SBF2: variants seen among roughly 807,000 people sequenced by gnomAD.
SBF2 encodes myotubularin-related protein 13.
In SBF2, 112 loss-of-function variants were observed where a neutral mutation model predicts 225.2. That is an observed-to-expected ratio of 0.50 (90% confidence interval 0.43 to 0.58). The LOEUF (loss-of-function observed/expected upper bound fraction) is 0.58, where lower values mean the gene tolerates loss of function less well. SBF2 is among the 20% of genes least tolerant of loss of function. The pLI, the probability that SBF2 is intolerant of heterozygous loss-of-function variation, is 0.00. For missense variants in SBF2, 1,996 were observed against 2,206.2 expected (o/e 0.90, Z 1.91); for synonymous variants, 763 against 773.3 (o/e 0.99, Z 0.22).
chr11:10,204,906 A>G (rs1957699826), intron 1 of SBF2, among the ~76,000 whole-genome samples: 1 of 151,760 alleles, frequency 6.6e-6, no homozygotes, highest in Non-Finnish European at 1.5e-5. Flanking sequence ...AAACATTTTA[A>G]GTAAATAGTG....
intron 16 of SBF2, among the ~76,000 whole-genome samples, chr11:9,953,658 G>A (rs774757376): frequency 6.6e-6 from 1 of 152,168 alleles, no homozygotes; most frequent in Non-Finnish European, 1.5e-5. Flanking sequence ...TAGAGGCCAA[G>A]GGTGTACTCA....
chr11:9,845,526 C>T (rs555414346), intron 24 of SBF2, 39 bp downstream of exon 24: 46 of 1,576,614 alleles, frequency 2.9e-5, no homozygotes, highest in Admixed American at 2.2e-4. Context: ...CAATCAATTA[C>T]GGGAGGGCTG....
intron 2 of SBF2, among the ~76,000 whole-genome samples, chr11:10,176,517 C>T (rs530310085): frequency 7.9e-5 from 12 of 151,534 alleles, no homozygotes; most frequent in East Asian, 3.9e-4. Context: ...ATATCACCAC[C>T]GATCCCACAG....
intron 16 of SBF2, among the ~76,000 whole-genome samples, chr11:9,930,094 G>A (rs984005275): frequency 2.0e-5 from 3 of 151,844 alleles, no homozygotes; most frequent in Non-Finnish European, 1.5e-5. Context: ...CATGGCACAC[G>A]TTTACCTATG....
chr11:9,811,668 G>C (rs1854192834), intron 30 of SBF2, among the ~76,000 whole-genome samples: 1 of 151,708 alleles, frequency 6.6e-6, no homozygotes, highest in African/African-American at 2.4e-5. Context: ...ATTTCTCTTT[G>C]GTTTAAGTAT....
chr11:10,107,635 C>T (rs1952610617), intron 2 of SBF2, among the ~76,000 whole-genome samples: 1 of 152,166 alleles, frequency 6.6e-6, no homozygotes, highest in Non-Finnish European at 1.5e-5. Context: ...TCTTGCCTAG[C>T]TTCTGGTAGC....
At chr11:10,105,436 T>G (rs1388560101) in intron 2 of SBF2, among the ~76,000 whole-genome samples, 1 of 152,198 alleles carries the variant, frequency 6.6e-6, no homozygotes, top group Non-Finnish European at 1.5e-5. Flanking sequence ...AATTTTCAAT[T>G]ACTTCGTGAA....
intron 16 of SBF2, among the ~76,000 whole-genome samples, chr11:9,924,387 T>C (rs952054928): frequency 3.9e-5 from 6 of 152,150 alleles, no homozygotes; most frequent in African/African-American, 1.4e-4. Flanking sequence ...TAGGCTAAGC[T>C]ATGTTGTTCA....
chr11:10,286,462 C>T (rs1178607082), intron 1 of SBF2, among the ~76,000 whole-genome samples: 1 of 151,304 alleles, frequency 6.6e-6, no homozygotes, highest in African/African-American at 2.4e-5. Context: ...TGAGTTCAAG[C>T]CATTCTCCTG....
chr11:9,813,512 G>GC (rs1435888323), intron 29 of SBF2, among the ~76,000 whole-genome samples: 2 of 152,128 alleles, frequency 1.3e-5, no homozygotes, highest in African/African-American at 4.8e-5. Context: ...ATTTTTAGTA[G>GC]AGATGGGCTT....
intron 16 of SBF2, among the ~76,000 whole-genome samples, chr11:9,898,715 C>T (rs982534176): frequency 5.3e-5 from 8 of 152,092 alleles, no homozygotes; most frequent in African/African-American, 1.9e-4. Context: ...AAAAGTCATT[C>T]TCATATGGCT....
intron 26 of SBF2, among the ~76,000 whole-genome samples, chr11:9,833,424 T>TC (rs1233735116): frequency 6.7e-6 from 1 of 149,976 alleles, no homozygotes; most frequent in Non-Finnish European, 1.5e-5. Flanking sequence ...TTTGGTGATT[T>TC]TTTTTTTTTT....
chr11:10,103,534 G>C (rs185385403), intron 2 of SBF2, among the ~76,000 whole-genome samples: 2 of 152,210 alleles, frequency 1.3e-5, no homozygotes, highest in East Asian at 3.9e-4. Context: ...AAATTTCCTT[G>C]TCAATTTTGT....
At chr11:10,048,942 C>A (rs989440061) in intron 2 of SBF2, among the ~76,000 whole-genome samples, 1 of 152,158 alleles carries the variant, frequency 6.6e-6, no homozygotes, top group African/African-American at 2.4e-5. Flanking sequence ...CACACTGTAA[C>A]TAACCTTTAA....
chr11:9,908,049 T>C (rs901978954), intron 16 of SBF2, among the ~76,000 whole-genome samples: 2 of 152,154 alleles, frequency 1.3e-5, no homozygotes, highest in East Asian at 1.9e-4. Context: ...CTGAACTGAA[T>C]ATAAAAATGG....
At chr11:10,200,464 A>T (rs902555811) in intron 1 of SBF2, among the ~76,000 whole-genome samples, 1 of 152,186 alleles carries the variant, frequency 6.6e-6, no homozygotes, top group African/African-American at 2.4e-5. Flanking sequence ...GAATGGTGTT[A>T]TTTAAGGTCT....
intron 12 of SBF2, among the ~76,000 whole-genome samples, chr11:9,992,047 T>A (rs185465546): frequency 6.8e-4 from 104 of 152,314 alleles, no homozygotes; most frequent in Admixed American, 2.8e-3. Context: ...AACCATTTTT[T>A]AAAATGTAAT....
chr11:10,204,813 A>T (rs559628640), intron 1 of SBF2, among the ~76,000 whole-genome samples: 1 of 152,240 alleles, frequency 6.6e-6, no homozygotes, highest in African/African-American at 2.4e-5. Context: ...TCAAAGAGAC[A>T]GGAAGTAAAT....
chr11:10,226,932 G>A (rs1419200333), intron 1 of SBF2, among the ~76,000 whole-genome samples: 1 of 152,160 alleles, frequency 6.6e-6, no homozygotes, highest in Non-Finnish European at 1.5e-5. Context: ...CTAGTTTACA[G>A]TCCCACCAAC....
Sources: allele counts gnomAD v4.1 joint callset (sites outside exome capture counted in the v4.1 genomes callset), GRCh38; gene constraint gnomAD v4.1.1; transcripts MANE v1.5; gene names NCBI Gene and HGNC (gene_info 2026-07-23, HGNC 2026-07-21).